The following TEFM variants were observed in gnomAD, a reference collection of about 807,000 sequenced individuals.
TEFM encodes the protein transcription elongation factor, mitochondrial.
Under a neutral mutation model 23.0 loss-of-function variants are expected in TEFM, and 14 were observed. The observed-to-expected ratio is 0.61, with a 90% CI of 0.40 to 0.95. TEFM has a LOEUF of 0.95. Among genes scored for constraint, TEFM ranks in the 40% least tolerant of loss-of-function variants. The pLI, the probability that TEFM is intolerant of heterozygous loss-of-function variation, is 0.00. For synonymous variants in TEFM, 155 were observed against 158.3 expected, an observed-to-expected ratio of 0.98 and a Z score of 0.16; for missense variants, 386 against 425.5, an observed-to-expected ratio of 0.91 and a Z score of 0.82.
intron 3 of TEFM, chr17:30,900,181 A>G (rs184079890): frequency 2.2e-6 from 1 of 459,916 alleles, no homozygotes; most frequent in Admixed American, 3.7e-5. Context: ...TTAGAATGAA[A>G]TACCATTGAT....
chr17:30,899,471 A>G lies in TEFM; in HGVS notation c.781T>C (p.Leu261=). 1.2e-6 allele frequency: 2 copies of G among 1,614,220 alleles called. No homozygotes were observed. The highest frequency in any genetic ancestry group is 1.7e-6 in the Non-Finnish European group (2 of 1,180,028). Residue 261 remains leucine (L), a synonymous_variant, in exon 4 of 4, where the codon TTA becomes CTA. Coordinates refer to ENST00000581216, the MANE Select transcript of TEFM (RefSeq NM_024683.4). The part of the protein sequence containing the change: ...HIMEAMLYAL[L]NKTFAQDGQH... ...CCATCCTGGGCAAAAGTTTTATTTA[A>G]TAAGGCATACAGCATGGCTTCCATG...
In TEFM at chr17:30,904,446, T is replaced by C. The variant is rs776473811; in HGVS notation, c.115A>G (p.Thr39Ala). The change falls in exon 2 of 4, where the codon ACA becomes GCA. Residue 39 changes from threonine (T) to alanine (A), a missense_variant. Physicochemically the swap from Thr to Ala is moderately conservative, Grantham distance 58 (BLOSUM62 0). Transcript: ENST00000581216. The part of the protein sequence containing the change: ...HNFCCRKKST[T>A]PKKITPNVTF... ...ACATTGGGAGTAATTTTCTTAGGTG[T>C]AGTGGATTTTTTCCGACAGCAGAAA... 1 of 1,614,120 alleles carries C rather than the reference T, an allele frequency of 6.2e-7. No individual in the cohort carries two copies. Among genetic ancestry groups the C allele is most frequent in the Non-Finnish European group, 8.5e-7 (1 of 1,180,032 alleles).
Position 30,904,122 on chromosome 17 carries a change from C to T in TEFM, c.439G>A (p.Glu147Lys), listed in dbSNP as rs1459169519. Residue 147 changes from glutamate to lysine, a missense_variant, in exon 2 of 4, where the codon GAA becomes AAA. Glu to Lys is a moderately conservative substitution (Grantham distance 56, BLOSUM62 1). Transcript: ENST00000581216. Reference sequence around the variant, plus strand: ...AGGAGCTTTCTCAGGAACCGGTTTTCCGGTGACTTTCTTTTTTCCCGTCCA... The same window carrying T: ...AGGAGCTTTCTCAGGAACCGGTTTTTCGGTGACTTTCTTTTTTCCCGTCCA... ...KTGREKRKSP[E>K]NRFLRKLLKP... is the part of the protein sequence containing the mutation. The T allele has an allele frequency of 1.2e-6, 2 of 1,613,954 alleles. No individual in the cohort carries two copies. The highest frequency in any genetic ancestry group is 1.7e-6 in the Non-Finnish European group (2 of 1,180,004).
In TEFM at chr17:30,904,087, G is replaced by A; in HGVS notation, c.474C>T (p.Asp158=). The A allele has an allele frequency of 1.9e-6, 3 of 1,613,568 alleles. No individual in the cohort carries two copies. The highest frequency in any genetic ancestry group is 2.5e-6 in the Non-Finnish European group (3 of 1,179,792). The change falls in exon 2 of 4, where the codon GAC becomes GAT. Residue 158 remains aspartate, a synonymous_variant. Transcript: ENST00000581216. Reference sequence around the variant, plus strand: ...ATACCTTAAGTCTTTCTCTTTCTATGTCTGGTTTGAGGAGCTTTCTCAGGA... The same window carrying A: ...ATACCTTAAGTCTTTCTCTTTCTATATCTGGTTTGAGGAGCTTTCTCAGGA... ...NRFLRKLLKP[D]IERERLKAVN... is the part of the protein sequence containing the mutation.
In TEFM at chr17:30,899,117, T is replaced by TG; in HGVS notation, c.*51dup. ...CAATAACATGGATGTTCACAACAGT[T>TG]GGTGTTACGTTAGAGCTAATAATTA... On this transcript the variant is annotated 3_prime_UTR_variant, in exon 4 of 4. Coordinates refer to ENST00000581216, the MANE Select transcript of TEFM (RefSeq NM_024683.4). 1 of 1,391,052 alleles carries TG rather than the reference T, an allele frequency of 7.2e-7. No homozygotes were observed. 86.2% of individuals were successfully genotyped at this position (1,391,052 alleles called of 1,614,324 possible). A position where few individuals can be genotyped will look rare whatever the true frequency, so the allele number is the denominator to read the frequency against.
chr17:30,900,369 AAGG>A (rs758342104), intron 3 of TEFM, 41 bp downstream of exon 3: 8 of 1,594,260 alleles, frequency 5.0e-6, no homozygotes, highest in Admixed American at 1.7e-5. Context: ...TAAACTACAC[AAGG>A]AGCTCTAGCA....
chr17:30,899,653 T>A, intron 3 of TEFM, 47 bp from the exon 4 acceptor site: 1 of 1,348,196 alleles, frequency 7.4e-7, no homozygotes, highest in Non-Finnish European at 9.9e-7. Flanking sequence ...ATTCATTACA[T>A]TTTATGTTTG....
At chr17:30,902,976 C>CTA (rs1286157373) in intron 2 of TEFM, among the ~76,000 whole-genome samples, 1 of 151,702 alleles carries the variant, frequency 6.6e-6, no homozygotes. Flanking sequence ...AACCTCATCT[C>CTA]TACTAAAAAT....
chr17:30,905,455 G>A (rs950732476), intron 1 of TEFM, among the ~76,000 whole-genome samples: 19 of 151,520 alleles, frequency 1.3e-4, no homozygotes, highest in South Asian at 2.1e-4. Flanking sequence ...GGAAGGCGGA[G>A]GTTGCGGTGA....
chr17:30,904,400 G>A lies in TEFM; in HGVS notation c.161C>T (p.Ala54Val). 2.5e-6 allele frequency: 4 copies of A among 1,614,144 alleles called. No homozygotes were observed. The highest frequency in any genetic ancestry group is 3.4e-6 in the Non-Finnish European group (4 of 1,180,028). ...TPNVTFCDEN[A>V]KEPENALDKL... ...GTCAAGTGCATTTTCGGGCTCCTTT[G>A]CATTTTCATCACAAAAAGTAACATT... is the stretch of plus-strand genomic sequence containing the variant. The change falls in exon 2 of 4, where the codon GCA becomes GTA. Residue 54 changes from alanine to valine, a missense_variant. By Grantham distance (64) the Ala-to-Val change is moderately conservative. Coordinates refer to ENST00000581216, the MANE Select transcript of TEFM (RefSeq NM_024683.4).
At chr17:30,899,872 T>C (rs1368436977) in intron 3 of TEFM, 1 of 287,726 alleles carries the variant, frequency 3.5e-6, no homozygotes, top group Non-Finnish European at 6.3e-6. Flanking sequence ...TTCTAAAATA[T>C]GTATTGGCTT....
At chr17:30,902,598 T>C (rs1253025492) in intron 2 of TEFM, among the ~76,000 whole-genome samples, 1 of 152,210 alleles carries the variant, frequency 6.6e-6, no homozygotes, top group Non-Finnish European at 1.5e-5. Flanking sequence ...TTGCAGCAGT[T>C]CTACTTGGAG....
chr17:30,906,211 T>C lies in TEFM; in HGVS notation c.-13A>G, dbSNP rs565339727. The C allele has an allele frequency of 1.2e-6, 2 of 1,614,250 alleles. No individual in the cohort carries two copies. Among genetic ancestry groups the C allele is most frequent in the East Asian group, 2.2e-5 (1 of 44,886 alleles). ...CAGACCCGCTCATCTCCAAGTTGAA[T>C]CAGTAGGTCCAGTCTTCCTCCATTG... On this transcript the variant is annotated 5_prime_UTR_variant, in exon 1 of 4. The change abolishes the stop of an existing upstream ORF in the 5' untranslated region. Transcript: ENST00000581216.
chr17:30,905,925 C>T (rs765351061), intron 1 of TEFM, among the ~76,000 whole-genome samples: 1 of 152,056 alleles, frequency 6.6e-6, no homozygotes, highest in Non-Finnish European at 1.5e-5. Flanking sequence ...AAGAGAGGGG[C>T]CTGAACAAGG....
At position 30,899,262 on chromosome 17, in the gene TEFM, TA is replaced by T; in HGVS notation, c.989del (p.Leu330TyrfsTer8). 6.2e-7 allele frequency: 1 copy of T among 1,614,212 alleles called. No homozygotes were observed. The highest frequency in any genetic ancestry group is 8.5e-7 in the Non-Finnish European group (1 of 1,180,028). ...CTTCTACTCTTTGTAGTTCAGTAGA[TA>T]AAAACATCTGTCTGTAGTGAACTAT... ...DKIVHYRQMF[L>X]STELQRVEEL... On this transcript the variant is annotated frameshift_variant, in exon 4 of 4. Transcript: ENST00000581216. LOFTEE classifies it high-confidence loss of function.
chr17:30,899,454 G>A lies in TEFM; in HGVS notation c.798C>T (p.Ala266=). ...TCAGCACCTGATGCTGCCCATCCTG[G>A]GCAAAAGTTTTATTTAATAAGGCAT... ...MLYALLNKTF[A]QDGQHQVLSM... Residue 266 remains alanine, a synonymous_variant, in exon 4 of 4, where the codon GCC becomes GCT. Coordinates refer to ENST00000581216, the MANE Select transcript of TEFM (RefSeq NM_024683.4). 6.2e-7 allele frequency: 1 copy of A among 1,614,046 alleles called. No individual in the cohort carries two copies. The highest frequency in any genetic ancestry group is 2.2e-5 in the East Asian group (1 of 44,880).
In TEFM at chr17:30,899,598, C is replaced by T. The variant is rs774201738; in HGVS notation, c.654G>A (p.Ser218=). Residue 218 remains serine (S), a synonymous_variant, in exon 4 of 4, where the codon TCG becomes TCA. Transcript: ENST00000581216. The part of the protein sequence containing the change: ...SSSVYLEEIS[S]IISKMPKADF... ...CTGCTTTAGGCATCTTTGAAATGAT[C>T]GAGGAAATCTTTTTAAAAAAAGACA... is the stretch of plus-strand genomic sequence containing the variant. 2.1e-4 allele frequency: 312 copies of T among 1,500,652 alleles called. No individual in the cohort carries two copies. Among genetic ancestry groups the T allele is most frequent in the Middle Eastern group, 1.4e-3 (8 of 5,564 alleles). 93.0% of individuals were successfully genotyped at this position (1,500,652 alleles called of 1,614,324 possible). A position where few individuals can be genotyped will look rare whatever the true frequency, so the allele number is the denominator to read the frequency against.
intron 1 of TEFM, among the ~76,000 whole-genome samples, chr17:30,905,355 T>C (rs1910143782): frequency 6.6e-6 from 1 of 151,990 alleles, no homozygotes; most frequent in Admixed American, 6.6e-5. Flanking sequence ...ACCCTGTCTC[T>C]ACTAATAATA....
chr17:30,904,651 G>T (rs991427174), intron 1 of TEFM, 122 bp from the exon 2 acceptor site: 1 of 661,376 alleles, frequency 1.5e-6, no homozygotes, highest in Non-Finnish European at 2.5e-6. Context: ...AACTAATAGA[G>T]GACAATATTA....
Sources: allele counts gnomAD v4.1 joint callset (sites outside exome capture counted in the v4.1 genomes callset), GRCh38; gene constraint gnomAD v4.1.1; transcripts MANE v1.5; gene names NCBI Gene and HGNC (gene_info 2026-07-23, HGNC 2026-07-21).